SPAG16: variants seen among roughly 807,000 people sequenced by gnomAD.
The protein encoded by SPAG16 is sperm-associated antigen 16 protein.
A neutral mutation model predicts 80.4 loss-of-function variants in SPAG16; 86 were observed. The ratio of observed to expected loss-of-function variants is 1.07; its 90% CI spans 0.90 to 1.28. The LOEUF (loss-of-function observed/expected upper bound fraction) is 1.28. Ranked by LOEUF, SPAG16 falls within the 50% of genes most tolerant of loss-of-function variation. The pLI is 0.00. For missense variants in SPAG16, 870 were observed against 765.3 expected, an observed-to-expected ratio of 1.14 and a Z score of -1.61; for synonymous variants, 294 against 265.9, an observed-to-expected ratio of 1.11 and a Z score of -1.03.
At chr2:213,777,492 C>T (rs959525536) in intron 10 of SPAG16, among the ~76,000 whole-genome samples, 15 of 151,838 alleles carry the variant, frequency 9.9e-5, no homozygotes, top group African/African-American at 3.4e-4. Context: ...CTGCAAGCTC[C>T]GCCTCCCGGG....
chr2:213,536,047 G>A (rs900697786), intron 10 of SPAG16, among the ~76,000 whole-genome samples: 2 of 152,028 alleles, frequency 1.3e-5, no homozygotes, highest in Non-Finnish European at 2.9e-5. Context: ...GTGAGTGTGT[G>A]TGCACGTTTG....
chr2:214,066,202 C>A (rs1218141637), intron 13 of SPAG16, among the ~76,000 whole-genome samples: 1 of 152,142 alleles, frequency 6.6e-6, no homozygotes, highest in Middle Eastern at 3.2e-3. Context: ...TTAAAGAAGT[C>A]TGCCACAGCC....
chr2:214,267,050 T>A (rs888682206), intron 15 of SPAG16, among the ~76,000 whole-genome samples: 5 of 151,640 alleles, frequency 3.3e-5, no homozygotes, highest in Admixed American at 3.3e-4. Flanking sequence ...ACTATCAAAA[T>A]TCCAATGTCA....
At chr2:213,334,913 A>C (rs1287307139) in intron 5 of SPAG16, among the ~76,000 whole-genome samples, 1 of 152,208 alleles carries the variant, frequency 6.6e-6, no homozygotes, top group Non-Finnish European at 1.5e-5. Context: ...CACTGTAGTC[A>C]TAACTTAATT....
intron 12 of SPAG16, among the ~76,000 whole-genome samples, chr2:213,978,106 A>G (rs1276025652): frequency 6.6e-6 from 1 of 151,648 alleles, no homozygotes; most frequent in African/African-American, 2.4e-5. Flanking sequence ...AAAGGCTTTT[A>G]GAGTCACGTC....
chr2:213,845,809 T>C (rs1334884877), intron 10 of SPAG16, among the ~76,000 whole-genome samples: 1 of 152,190 alleles, frequency 6.6e-6, no homozygotes, highest in Non-Finnish European at 1.5e-5. Flanking sequence ...TATTCTCTTC[T>C]TAACTGAACT....
intron 13 of SPAG16, among the ~76,000 whole-genome samples, chr2:214,074,908 G>A (rs2050992526): frequency 6.6e-6 from 1 of 152,114 alleles, no homozygotes; most frequent in East Asian, 1.9e-4. Flanking sequence ...AGGATGCAGA[G>A]TGGGAAAAGA....
intron 15 of SPAG16, among the ~76,000 whole-genome samples, chr2:214,163,330 C>A (rs2056523283): frequency 6.6e-6 from 1 of 151,830 alleles, no homozygotes; most frequent in Non-Finnish European, 1.5e-5. Context: ...ACTTTCCATA[C>A]CTTTTTATGG....
chr2:214,286,340 A>C (rs1188725038), intron 15 of SPAG16, among the ~76,000 whole-genome samples: 1 of 152,210 alleles, frequency 6.6e-6, no homozygotes. Flanking sequence ...ACACACACAC[A>C]AAGAATCTTC....
chr2:213,326,455 C>A (rs949285075), intron 5 of SPAG16, among the ~76,000 whole-genome samples: 1 of 151,892 alleles, frequency 6.6e-6, no homozygotes, highest in African/African-American at 2.4e-5. Context: ...TAGGTAATTG[C>A]TTGTTAAATT....
At position 213,310,160 on chromosome 2, in the gene SPAG16, T is replaced by C; in HGVS notation, c.381T>C (p.Asp127=). The C allele has an allele frequency of 6.2e-7, 1 of 1,605,818 alleles. No homozygotes were observed. Among genetic ancestry groups the C allele is most frequent in the Non-Finnish European group, 8.5e-7 (1 of 1,173,950 alleles). ...AAATGGGAATGACCAGAACTCTTGA[T>C]TGCTTTCAGTCTGAATGGTAAACAA... The part of the protein sequence containing the change: ...LIKMGMTRTL[D]CFQSEWYELI... Residue 127 remains aspartate, a synonymous_variant, in exon 4 of 16, where the codon GAT becomes GAC. Transcript: ENST00000331683.
chr2:214,235,354 A>G lies in SPAG16; in HGVS notation c.1720+86088A>G, dbSNP rs374150171. The stretch of plus-strand genomic sequence containing the variant: ...TATTTTCTCCAATAAATAATGCCCC[A>G]TAGCTTTCTTAAATTAATATTTACT... On this transcript the variant is annotated intron_variant, in intron 15 of 15. Transcript: ENST00000331683. Among the ~76,000 whole-genome samples the G allele has an allele frequency of 8.6e-4, 131 of 152,304 alleles. 2 individuals carry two copies. The highest frequency in any genetic ancestry group is 5.6e-3 in the South Asian group (27 of 4,832).
chr2:213,572,915 G>A (rs2059971211), intron 10 of SPAG16, among the ~76,000 whole-genome samples: 1 of 152,222 alleles, frequency 6.6e-6, no homozygotes, highest in Non-Finnish European at 1.5e-5. Flanking sequence ...GACCCTCCGA[G>A]CCAGGTGTGG....
intron 10 of SPAG16, among the ~76,000 whole-genome samples, chr2:213,537,512 G>A (rs1420374089): frequency 6.6e-6 from 1 of 151,980 alleles, no homozygotes; most frequent in African/African-American, 2.4e-5. Context: ...GGCTGGTAGT[G>A]GAATTCTGCT....
intron 15 of SPAG16, among the ~76,000 whole-genome samples, chr2:214,257,001 G>A (rs1690737522): frequency 6.6e-6 from 1 of 151,844 alleles, no homozygotes; most frequent in South Asian, 2.1e-4. Context: ...ATTAATTTGG[G>A]CATAATTATA....
chr2:213,717,088 C>G (rs1002481561), intron 10 of SPAG16, among the ~76,000 whole-genome samples: 1 of 151,804 alleles, frequency 6.6e-6, no homozygotes, highest in Non-Finnish European at 1.5e-5. Context: ...AATGCATAAT[C>G]CATAGAGAGC....
chr2:213,848,943 A>G (rs2074766613), intron 10 of SPAG16, among the ~76,000 whole-genome samples: 1 of 152,194 alleles, frequency 6.6e-6, no homozygotes, highest in African/African-American at 2.4e-5. Context: ...ACTCAGATTG[A>G]CATATATATA....
At chr2:213,836,050 G>A (rs2074052653) in intron 10 of SPAG16, among the ~76,000 whole-genome samples, 5 of 152,014 alleles carry the variant, frequency 3.3e-5, no homozygotes, top group Admixed American at 3.3e-4. Flanking sequence ...GTTACCCAGT[G>A]ATAACATTAT....
chr2:213,352,002 A>T (rs1160712669), intron 7 of SPAG16, among the ~76,000 whole-genome samples: 1 of 151,950 alleles, frequency 6.6e-6, no homozygotes, highest in Non-Finnish European at 1.5e-5. Context: ...TAATTGAGTG[A>T]GTCTCAAGAG....
Sources: allele counts gnomAD v4.1 joint callset (sites outside exome capture counted in the v4.1 genomes callset), GRCh38; gene constraint gnomAD v4.1.1; transcripts MANE v1.5; gene names NCBI Gene and HGNC (gene_info 2026-07-23, HGNC 2026-07-21).